The following IL1RAPL1 variants were observed in gnomAD, a reference collection of about 807,000 sequenced individuals.
IL1RAPL1 encodes the protein interleukin-1 receptor accessory protein-like 1.
A neutral mutation model predicts 48.4 loss-of-function variants in IL1RAPL1; 3 were observed. The observed-to-expected ratio is 0.06, with a 90% CI of 0.03 to 0.16. The LOEUF (loss-of-function observed/expected upper bound fraction) is 0.16, where lower values mean the gene tolerates loss of function less well. IL1RAPL1 is among the 10% of genes least tolerant of loss of function. The probability of loss-of-function intolerance (pLI) is 1.00; values close to 1 mark genes in which losing one functional copy is unlikely to be tolerated. For synonymous variants in IL1RAPL1, 185 were observed against 187.7 expected, an observed-to-expected ratio of 0.99 and a Z score of 0.12; for missense variants, 349 against 530.6, an observed-to-expected ratio of 0.66 and a Z score of 3.36.
At chrX:28,747,499 T>C (rs1355206939) in intron 1 of IL1RAPL1, among the ~76,000 whole-genome samples, 1 of 109,898 alleles carries the variant, frequency 9.1e-6, no homozygotes, top group Non-Finnish European at 1.9e-5. Flanking sequence ...AAATTAGCCG[T>C]GGGTGGTGGC....
chrX:29,090,280 G>A (rs1018401078), intron 2 of IL1RAPL1, among the ~76,000 whole-genome samples: 24 of 111,383 alleles, frequency 2.2e-4, no homozygotes, highest in Admixed American at 6.7e-4. Flanking sequence ...TAAATTTTCC[G>A]TACGTTTCCT....
At chrX:29,405,052 TAC>T (rs1456275727) in intron 5 of IL1RAPL1, among the ~76,000 whole-genome samples, 1 of 109,986 alleles carries the variant, frequency 9.1e-6, no homozygotes, top group African/African-American at 3.3e-5. Context: ...TAGCTGGAAT[TAC>T]AGACACGTGC....
chrX:28,772,062 T>TA (rs1338153638), intron 1 of IL1RAPL1, among the ~76,000 whole-genome samples: 1 of 111,489 alleles, frequency 9.0e-6, no homozygotes, highest in Non-Finnish European at 1.9e-5. Context: ...GTTTCACTGT[T>TA]ACTGACAACT....
intron 2 of IL1RAPL1, among the ~76,000 whole-genome samples, chrX:29,245,842 T>C (rs1308326228): frequency 2.7e-5 from 3 of 111,333 alleles, no homozygotes; most frequent in African/African-American, 6.5e-5. Flanking sequence ...AATCATGAAG[T>C]CTTTGCCCAT....
chrX:29,441,437 A>G (rs988713555), intron 5 of IL1RAPL1, among the ~76,000 whole-genome samples: 16 of 112,167 alleles, frequency 1.4e-4, no homozygotes, highest in African/African-American at 4.9e-4. Context: ...TTCCACATGA[A>G]TGTAACCATT....
chrX:29,689,507 AATGCACTGT>A (rs1353235418), intron 6 of IL1RAPL1, among the ~76,000 whole-genome samples: 1 of 112,562 alleles, frequency 8.9e-6, no homozygotes, highest in African/African-American at 3.2e-5. Context: ...TACCAAAATG[AATGCACTGT>A]ATGAGTTTAG....
Position 29,193,339 on chromosome X carries a change from A to G in IL1RAPL1, c.83-89599A>G, listed in dbSNP as rs910331439. Among the ~76,000 whole-genome samples the G allele has an allele frequency of 2.7e-5, 3 of 111,080 alleles. No homozygotes were observed. The East Asian group carries it at 8.5e-4, about 31-fold the overall frequency. On this transcript the variant is annotated intron_variant, in intron 2 of 10. Coordinates refer to ENST00000378993, the MANE Select transcript of IL1RAPL1 (RefSeq NM_014271.4). ...AAATTAAATGTCTTATATAACACAA[A>G]TTCTCAGAATTCCCATATTACCATC...
At chrX:29,171,197 A>AT (rs1929901172) in intron 2 of IL1RAPL1, among the ~76,000 whole-genome samples, 1 of 111,498 alleles carries the variant, frequency 9.0e-6, no homozygotes, top group Non-Finnish European at 1.9e-5. Context: ...GGGTTTCACC[A>AT]TATTGGTCAG....
Position 28,822,371 on chromosome X carries a change from A to G in IL1RAPL1, c.82+32946A>G, listed in dbSNP as rs769070239. The stretch of plus-strand genomic sequence containing the variant: ...AAAAGGGGTGTAGAAACAAAAGGAA[A>G]GGAATAAGTGACTCAGACCTCATGT... On this transcript the variant is annotated intron_variant, in intron 2 of 10. Transcript: ENST00000378993. Among the ~76,000 whole-genome samples the G allele has an allele frequency of 7.2e-5, 8 of 111,837 alleles. No individual in the cohort carries two copies. In the East Asian group the frequency reaches 1.1e-3, roughly 16 times the overall value.
At chrX:29,646,577 A>T (rs989990613) in intron 5 of IL1RAPL1, among the ~76,000 whole-genome samples, 1 of 111,574 alleles carries the variant, frequency 9.0e-6, no homozygotes, top group Admixed American at 9.5e-5. Flanking sequence ...CTGCAGAAAG[A>T]TATAAATATC....
chrX:29,378,688 A>T lies in IL1RAPL1; in HGVS notation c.363-17570A>T, dbSNP rs144874760. 5.9e-3 allele frequency among the ~76,000 whole-genome samples: 663 copies of T among 112,452 alleles called. 7 individuals carry two copies. Among genetic ancestry groups the T allele is most frequent in the African/African-American group, 0.021 (640 of 30,957 alleles). On this transcript the variant is annotated intron_variant, in intron 3 of 10. Transcript: ENST00000378993. ...TGGGCTGCAATCCTGTAGATGGTAC[A>T]TAGGAATAACGGTCAGTAGATAGGC...
chrX:29,688,764 CTGTGTGTGTGTGTT>C (rs1156983538), intron 6 of IL1RAPL1, among the ~76,000 whole-genome samples: 2 of 103,930 alleles, frequency 1.9e-5, no homozygotes, highest in Non-Finnish European at 3.9e-5. Flanking sequence ...CTGTGTGTGT[CTGTGTGTGTGTGTT>C]TGTGTGTTCT....
At chrX:28,902,026 A>G (rs1174432779) in intron 2 of IL1RAPL1, among the ~76,000 whole-genome samples, 2 of 111,911 alleles carry the variant, frequency 1.8e-5, no homozygotes, top group Non-Finnish European at 1.9e-5. Flanking sequence ...GCTAGATTAT[A>G]CCATGACATG....
At chrX:29,834,492 A>ATTT (rs34399580) in intron 6 of IL1RAPL1, among the ~76,000 whole-genome samples, 2 of 72,758 alleles carry the variant, frequency 2.7e-5, no homozygotes, top group Non-Finnish European at 2.7e-5. Flanking sequence ...AAGAAAAAGG[A>ATTT]TTTTTTTTTT....
In IL1RAPL1 at chrX:29,819,611, A is replaced by G. The variant is rs961811316; in HGVS notation, c.779-97853A>G. On this transcript the variant is annotated intron_variant, in intron 6 of 10. Transcript: ENST00000378993. ...TCAGTATGTAATTATTGCTAATATT[A>G]AGAATTCAGTATGTTACCACATACA... 8.1e-5 allele frequency among the ~76,000 whole-genome samples: 9 copies of G among 110,850 alleles called. No homozygotes were observed. In the East Asian group the frequency reaches 1.1e-3, roughly 14 times the overall value.
intron 1 of IL1RAPL1, among the ~76,000 whole-genome samples, chrX:28,634,171 G>A (rs1934432740): frequency 9.1e-6 from 1 of 109,779 alleles, no homozygotes; most frequent in Non-Finnish European, 1.9e-5. Context: ...CACAATGCCT[G>A]GCTAGTTTTT....
chrX:29,633,255 T>A (rs188089564), intron 5 of IL1RAPL1, among the ~76,000 whole-genome samples: 9 of 110,874 alleles, frequency 8.1e-5, no homozygotes, highest in Non-Finnish European at 1.5e-4. Flanking sequence ...AAAAAAAGAG[T>A]ATATAATATA....
At chrX:28,909,104 C>G (rs1369580411) in intron 2 of IL1RAPL1, among the ~76,000 whole-genome samples, 1 of 111,199 alleles carries the variant, frequency 9.0e-6, no homozygotes, top group African/African-American at 3.3e-5. Context: ...TTCTTGTAAA[C>G]AACATCAAGT....
chrX:29,908,025 A>T (rs73456472), intron 6 of IL1RAPL1, among the ~76,000 whole-genome samples: 1 of 111,441 alleles, frequency 9.0e-6, no homozygotes, highest in Admixed American at 9.6e-5. Context: ...GATTAAAAAA[A>T]TTTAAATCAC....
Sources: gnomAD v4.1 joint callset for allele counts (sites outside exome capture counted in the v4.1 genomes callset) on GRCh38, gnomAD v4.1.1 for gene constraint, MANE v1.5 for transcripts, NCBI Gene and HGNC (gene_info 2026-07-23, HGNC 2026-07-21) for gene names.